DHX32: variants seen among roughly 807,000 people sequenced by gnomAD.
DHX32 encodes DEAH-box helicase 32 (putative), also known as putative pre-mRNA-splicing factor ATP-dependent RNA helicase DHX32.
DHX32 carries 51 observed loss-of-function variants against 70.0 expected under a neutral mutation model. The observed-to-expected ratio is 0.73, with a 90% CI of 0.58 to 0.92. The LOEUF is 0.92. Among genes scored for constraint, DHX32 ranks in the 40% least tolerant of loss-of-function variants. The probability of loss-of-function intolerance (pLI) is 0.00; values close to 1 mark genes in which losing one functional copy is unlikely to be tolerated. For synonymous variants in DHX32, 310 were observed against 315.3 expected (o/e 0.98, Z 0.18); for missense variants, 762 against 891.8 (o/e 0.85, Z 1.85).
At chr10:125,887,230 T>C (rs1465838586) in intron 1 of DHX32, among the ~76,000 whole-genome samples, 1 of 152,214 alleles carries the variant, frequency 6.6e-6, no homozygotes, top group Non-Finnish European at 1.5e-5. Context: ...CAACCAATAC[T>C]TGAGTGCCTA....
At chr10:125,854,408 A>T in intron 3 of DHX32, 2 of 403,780 alleles carry the variant, frequency 5.0e-6, no homozygotes, top group Non-Finnish European at 8.5e-6. Flanking sequence ...AATATAATTT[A>T]TATTGTTTTC....
At chr10:125,840,584 C>G (rs1370184586) in intron 8 of DHX32, among the ~76,000 whole-genome samples, 2 of 152,238 alleles carry the variant, frequency 1.3e-5, no homozygotes, top group Admixed American at 6.5e-5. Context: ...AGCAAGCTTG[C>G]TCTGAAGGCT....
Position 125,841,906 on chromosome 10 carries a change from T to C in DHX32, c.1380A>G (p.Glu460=). 2 of 1,601,124 alleles carry C rather than the reference T, an allele frequency of 1.2e-6. No individual in the cohort carries two copies. The highest frequency in any genetic ancestry group is 1.7e-6 in the Non-Finnish European group (2 of 1,176,600). The change falls in exon 7 of 11, where the codon GAA becomes GAG. Residue 460 remains glutamate (E), a synonymous_variant. Transcript: ENST00000284690. ...PAPESLMQAL[E]DLDYLAALDN... Reference sequence around the variant, plus strand: ...CCAGTGCTGCCAGATAATCTAAGTCTTCCAATGCCTGCATCAAACTTTCTG... The same window carrying C: ...CCAGTGCTGCCAGATAATCTAAGTCCTCCAATGCCTGCATCAAACTTTCTG...
At chr10:125,846,022 A>G (rs377592802) in intron 6 of DHX32, among the ~76,000 whole-genome samples, 1 of 152,186 alleles carries the variant, frequency 6.6e-6, no homozygotes, top group East Asian at 1.9e-4. Flanking sequence ...CTAAGTGGGG[A>G]AGGAAGCTGA....
At chr10:125,885,791 AC>A (rs1214360841), upstream of DHX32, among the ~76,000 whole-genome samples, 1 of 151,990 alleles carries the variant, frequency 6.6e-6, no homozygotes, top group African/African-American at 2.4e-5. Flanking sequence ...GTGCCCCATA[AC>A]CTCTACTGTG....
intron 3 of DHX32, among the ~76,000 whole-genome samples, chr10:125,857,400 C>A (rs746206137): frequency 6.6e-6 from 1 of 152,186 alleles, no homozygotes; most frequent in African/African-American, 2.4e-5. Flanking sequence ...CAGGGCAGGT[C>A]GGCTGTTGAG....
At chr10:125,867,322 T>A in intron 1 of DHX32, 139 bp from the exon 2 acceptor site, 1 of 677,564 alleles carries the variant, frequency 1.5e-6, no homozygotes, top group South Asian at 2.0e-5. Flanking sequence ...ACATCTTACT[T>A]AGTGAAACTC....
intron 2 of DHX32, among the ~76,000 whole-genome samples, chr10:125,864,973 A>AAAAAGAAAT: frequency 6.7e-6 from 1 of 148,258 alleles, no homozygotes; most frequent in African/African-American, 2.5e-5. Flanking sequence ...AAAAAGAAAG[A>AAAAAGAAAT]AAAAGAAATA....
intron 6 of DHX32, among the ~76,000 whole-genome samples, chr10:125,843,803 G>A (rs748776393): frequency 6.6e-6 from 1 of 152,178 alleles, no homozygotes; most frequent in Non-Finnish European, 1.5e-5. Flanking sequence ...TCAGCCTGAC[G>A]CGCCCACCAC....
upstream of DHX32, among the ~76,000 whole-genome samples, chr10:125,885,739 AAT>A (rs1310008672): frequency 1.3e-5 from 2 of 152,188 alleles, no homozygotes; most frequent in African/African-American, 4.8e-5. Context: ...ATAGAAAACT[AAT>A]ATATTCAATC....
rs1854890110 is a variant in DHX32 at position 125,841,899 on chromosome 10, C to CT, written c.1386dup (p.Asp463ArgfsTer8). 3 of 1,606,586 alleles carry CT rather than the reference C, an allele frequency of 1.9e-6. No homozygotes were observed. The highest frequency in any genetic ancestry group is 1.1e-5 in the South Asian group (1 of 88,274). On this transcript the variant is annotated frameshift_variant, in exon 7 of 11. Coordinates refer to ENST00000284690, the MANE Select transcript of DHX32 (RefSeq NM_018180.3). LOFTEE classifies it high-confidence loss of function. ...TCATTATCCAGTGCTGCCAGATAATCTAAGTCTTCCAATGCCTGCATCAAA... is the reference window on the plus strand; with the variant it reads ...TCATTATCCAGTGCTGCCAGATAATCTTAAGTCTTCCAATGCCTGCATCAAA...
chr10:125,866,952 A>C lies in DHX32; in HGVS notation c.476+38T>G. On this transcript the variant is annotated intron_variant, in intron 2 of 10. Transcript: ENST00000284690. The surrounding 1 kb of genome is among the most constrained non-coding windows in gnomAD (Gnocchi z 4.8). ...CAGAATTGTAGAACCTAAGCCAAGA[A>C]TCATCAGCAGGGAGCGGACTGAACC... is the stretch of plus-strand genomic sequence containing the variant. The C allele has an allele frequency of 6.3e-7, 1 of 1,582,688 alleles. No homozygotes were observed. Among genetic ancestry groups the C allele is most frequent in the Non-Finnish European group, 8.6e-7 (1 of 1,160,860 alleles).
chr10:125,857,052 TAAAGCTTTATATAGAAATCAAG>T, intron 3 of DHX32, among the ~76,000 whole-genome samples: 2 of 152,362 alleles, frequency 1.3e-5, no homozygotes, highest in Non-Finnish European at 2.9e-5. Context: ...CGGTAGGTTT[TAAAGCTTTATATAGAAATCAAG>T]AAAGCATCAA....
chr10:125,845,320 G>A (rs1294667941), intron 6 of DHX32, among the ~76,000 whole-genome samples: 4 of 152,096 alleles, frequency 2.6e-5, no homozygotes, highest in East Asian at 3.9e-4. Flanking sequence ...AACAATCTTT[G>A]GCCTACTTTC....
chr10:125,849,108 T>A (rs975047003), intron 6 of DHX32, among the ~76,000 whole-genome samples: 1 of 152,182 alleles, frequency 6.6e-6, no homozygotes, highest in Non-Finnish European at 1.5e-5. Flanking sequence ...CATGCCCCTG[T>A]CCCATGAAGT....
At chr10:125,854,390 G>T in intron 3 of DHX32, 187 bp from the exon 4 acceptor site, 3 of 442,112 alleles carry the variant, frequency 6.8e-6, no homozygotes, top group Non-Finnish European at 7.6e-6. Context: ...ACGTCTTTGG[G>T]GAAGTTAAAT....
intron 6 of DHX32, chr10:125,842,375 C>T (rs1854905612): frequency 6.5e-6 from 1 of 154,924 alleles, no homozygotes; most frequent in Non-Finnish European, 1.4e-5. Context: ...AAGGAACCAC[C>T]TCAGGCCAGA....
chr10:125,855,622 T>C (rs1485062513), intron 3 of DHX32, among the ~76,000 whole-genome samples: 1 of 151,956 alleles, frequency 6.6e-6, no homozygotes, highest in African/African-American at 2.4e-5. Flanking sequence ...CTAATTTTTT[T>C]TGTATTTTTA....
rs1944125950 is a variant in DHX32 at position 125,854,152 on chromosome 10, C to T, written c.901G>A (p.Asp301Asn). 6 of 1,613,652 alleles carry T rather than the reference C, an allele frequency of 3.7e-6. No homozygotes were observed. Among genetic ancestry groups the T allele is most frequent in the Non-Finnish European group, 5.1e-6 (6 of 1,179,966 alleles). The change falls in exon 4 of 11, where the codon GAT (aspartate) becomes AAT (asparagine). Residue 301 changes from aspartate (D) to asparagine (N), a missense_variant. Physicochemically the swap from Asp to Asn is conservative, Grantham distance 23. This residue lies in a region of DHX32 where 394 missense variants were observed against 473.1 expected (regional missense o/e 0.83). Coordinates refer to ENST00000284690, the MANE Select transcript of DHX32 (RefSeq NM_018180.3). ...GGAACAACCACCAGTTCTCCAAGAT[C>T]TGGGTTTAGGTTAGATCCTTGATAG... ...TVYQGSNLNPDLGELVVVPLY... is the reference protein window; with the variant it reads ...TVYQGSNLNPNLGELVVVPLY...
Sources: gnomAD v4.1 joint callset for allele counts (sites outside exome capture counted in the v4.1 genomes callset) on GRCh38, gnomAD v4.1.1 for gene constraint, gnomAD v4.1.1 regional missense constraint, Gnocchi (gnomAD v3.1) non-coding constraint, MANE v1.5 for transcripts, NCBI Gene and HGNC (gene_info 2026-07-23, HGNC 2026-07-21) for gene names.